CYP11B2: variants seen among roughly 807,000 people sequenced by gnomAD.
The protein encoded by CYP11B2 is cytochrome P450 family 11 subfamily B member 2.
A neutral mutation model predicts 49.3 loss-of-function variants in CYP11B2; 38 were observed. The observed-to-expected ratio is 0.77, with a 90% CI of 0.59 to 1.01. The LOEUF is 1.01. Ranked by LOEUF, CYP11B2 falls within the 50% of genes least tolerant of loss-of-function variation. CYP11B2 has a pLI of 0.00. For synonymous variants in CYP11B2, 290 were observed against 269.3 expected, an observed-to-expected ratio of 1.08 and a Z score of -0.75; for missense variants, 669 against 655.5, an observed-to-expected ratio of 1.02 and a Z score of -0.23.
In CYP11B2 at chr8:142,917,116, A is replaced by G; in HGVS notation, c.338T>C (p.Leu113Pro). 2 of 1,614,206 alleles carry G rather than the reference A, an allele frequency of 1.2e-6. No individual in the cohort carries two copies. The highest frequency in any genetic ancestry group is 1.7e-6 in the Non-Finnish European group (2 of 1,180,018). Residue 113 changes from leucine (L) to proline (P), a missense_variant, in exon 2 of 9, where the codon CTG becomes CCG. Leu to Pro is a moderately conservative substitution (Grantham distance 98). Transcript: ENST00000323110. Reference sequence around the variant, plus strand: ...TTGTCTGTAGGCCACCCAGGGCTCCAGGATCATCCTGCAGGGATGCAGGCT... The same window carrying G: ...TTGTCTGTAGGCCACCCAGGGCTCCGGGATCATCCTGCAGGGATGCAGGCT... Reference protein sequence around the residue: ...VDSLHPCRMILEPWVAYRQHR... With the variant: ...VDSLHPCRMIPEPWVAYRQHR...
chr8:142,915,145 T>A lies in CYP11B2; in HGVS notation c.496A>T (p.Arg166Trp), dbSNP rs750033578. 2 of 1,613,888 alleles carry A rather than the reference T, an allele frequency of 1.2e-6. No individual in the cohort carries two copies. Among genetic ancestry groups the A allele is most frequent in the Admixed American group, 3.3e-5 (2 of 60,020 alleles). The change falls in exon 3 of 9, where the codon AGG (arginine) becomes TGG (tryptophan). Residue 166 changes from arginine to tryptophan, a missense_variant. Coordinates refer to ENST00000323110, the MANE Select transcript of CYP11B2 (RefSeq NM_000498.3). ...RFLPMVDAVARDFSQALKKKV... is the reference protein window; with the variant it reads ...RFLPMVDAVAWDFSQALKKKV... ...TTCTTCAGGGCCTGGGAGAAGTCCCTGGCCACTGCATCCACCATCGGGAGG... is the reference window on the plus strand; with the variant it reads ...TTCTTCAGGGCCTGGGAGAAGTCCCAGGCCACTGCATCCACCATCGGGAGG...
chr8:142,911,586 A>G lies in CYP11B2; in HGVS notation c.*394T>C. 1 of 272,868 alleles carries G rather than the reference A, an allele frequency of 3.7e-6. No individual in the cohort carries two copies. Among genetic ancestry groups the G allele is most frequent in the Non-Finnish European group, 7.2e-6 (1 of 139,280 alleles). The allele number at this position is 272,868 out of a possible 1,614,324, so 16.9% of individuals were successfully genotyped here. A position where few individuals can be genotyped will look rare whatever the true frequency, so the allele number is the denominator to read the frequency against. ...CACTGTCTGCACAGAGGCCCTGGCC[A>G]GGGCGAGAGGGACAGGGACATGTGA... On this transcript the variant is annotated 3_prime_UTR_variant, in exon 9 of 9. Coordinates refer to ENST00000323110, the MANE Select transcript of CYP11B2 (RefSeq NM_000498.3).
chr8:142,915,191 C>A lies in CYP11B2; in HGVS notation c.450G>T (p.Ser150=), dbSNP rs749001022. The A allele has an allele frequency of 4.3e-6, 7 of 1,614,046 alleles. No individual in the cohort carries two copies. Among genetic ancestry groups the A allele is most frequent in the Non-Finnish European group, 5.9e-6 (7 of 1,180,004 alleles). Residue 150 remains serine, a synonymous_variant, in exon 3 of 9, where the codon TCG becomes TCT. Transcript: ENST00000323110. ...GGAGGAACCTCTGCACGGCCTTGGG[C>A]GACAGCACATCTGGGTTCAGCCGCA... ...NRLRLNPDVL[S]PKAVQRFLPM...
intron 1 of CYP11B2, 46 bp from the exon 2 acceptor site, chr8:142,917,260 C>T (rs778245279): frequency 2.4e-5 from 39 of 1,601,608 alleles, no homozygotes; most frequent in Non-Finnish European, 2.1e-5. Flanking sequence ...TCATGTCCCT[C>T]GTGGCCCCAC....
In CYP11B2 at chr8:142,915,065, G is replaced by C. The variant is rs1817618040; in HGVS notation, c.576C>G (p.Ile192Met). ...GSLTLDVQPS[I>M]FHYTIEASNL... ...CCACACCTTCTATGGTGTAGTGGAA[G>C]ATGCTGGGCTGGACGTCCAGGGTCA... Residue 192 changes from isoleucine (I) to methionine (M), a missense_variant, in exon 3 of 9, where the codon ATC becomes ATG. By Grantham distance (10) the Ile-to-Met change is conservative. Transcript: ENST00000323110. The C allele has an allele frequency of 1.9e-6, 3 of 1,613,900 alleles. No individual in the cohort carries two copies. The South Asian group carries it at 3.3e-5, about 18-fold the overall frequency.
Position 142,917,208 on chromosome 8 carries a change from G to A in CYP11B2, c.246C>T (p.Asn82=), listed in dbSNP as rs72554628. ...FQELGPIFRY[N]LGGPRMVCVM... ...CACACACCATGCGTGGTCCTCCCAA[G>A]TTGTACCTGTGGGGCCAAGCAGGAG... The change falls in exon 2 of 9, where the codon AAC becomes AAT. Residue 82 remains asparagine (N), a synonymous_variant. Coordinates refer to ENST00000323110, the MANE Select transcript of CYP11B2 (RefSeq NM_000498.3). 1 of 1,613,882 alleles carries A rather than the reference G, an allele frequency of 6.2e-7. No individual in the cohort carries two copies. Among genetic ancestry groups the A allele is most frequent in the African/African-American group, 1.3e-5 (1 of 74,920 alleles).
chr8:142,914,276 C>T lies in CYP11B2; in HGVS notation c.942G>A (p.Gly314=), dbSNP rs996780566. 6.2e-7 allele frequency: 1 copy of T among 1,614,176 alleles called. No individual in the cohort carries two copies. Among genetic ancestry groups the T allele is most frequent in the Non-Finnish European group, 8.5e-7 (1 of 1,180,032 alleles). ...TTGCTGGCCTGACCGTGTCCACGCT[C>T]CCTGCAGTGAGTTCCATAGAGTTGG... The part of the protein sequence containing the change: ...IKANSMELTA[G]SVDTTAFPLL... The change falls in exon 5 of 9, where the codon GGG becomes GGA. Residue 314 remains glycine (G), a synonymous_variant. Coordinates refer to ENST00000323110, the MANE Select transcript of CYP11B2 (RefSeq NM_000498.3).
At position 142,914,263 on chromosome 8, in the gene CYP11B2, C is replaced by CCA. The variant is rs1817595731; in HGVS notation, c.954_954+1insTG (p.Thr319Ter). On this transcript the variant is annotated frameshift_variant and splice_region_variant. Transcript: ENST00000323110. LOFTEE classifies it high-confidence loss of function. ...TGGGTGGGGCTGGTTGCTGGCCTGA[C>CCA]CGTGTCCACGCTCCCTGCAGTGAGT... is the stretch of plus-strand genomic sequence containing the variant. 1 of 1,613,996 alleles carries CCA rather than the reference C, an allele frequency of 6.2e-7. No homozygotes were observed. Among genetic ancestry groups the CCA allele is most frequent in the Non-Finnish European group, 8.5e-7 (1 of 1,180,038 alleles).
chr8:142,913,389 G>A lies in CYP11B2; in HGVS notation c.1017C>T (p.Ile339=), dbSNP rs2130326636. The change falls in exon 6 of 9, where the codon ATC becomes ATT. Residue 339 remains isoleucine (I), a synonymous_variant. Transcript: ENST00000323110. The part of the protein sequence containing the change: ...ELARNPDVQQ[I]LRQESLAAAA... Reference sequence around the variant, plus strand: ...CGGCGGCCAGGCTCTCCTGGCGCAGGATCTGCTGCACGTCGGGGTTCCGAG... The same window carrying A: ...CGGCGGCCAGGCTCTCCTGGCGCAGAATCTGCTGCACGTCGGGGTTCCGAG... 6.2e-7 allele frequency: 1 copy of A among 1,613,994 alleles called. No homozygotes were observed. The highest frequency in any genetic ancestry group is 8.5e-7 in the Non-Finnish European group (1 of 1,180,012).
chr8:142,911,900 G>C lies in CYP11B2; in HGVS notation c.*80C>G, dbSNP rs550810725. On this transcript the variant is annotated 3_prime_UTR_variant, in exon 9 of 9. Transcript: ENST00000323110. ...AGGGGTGACTCAGGAAGCTGTGCAC[G>C]TGGGAGAGAAGACAGGTGGCCTGGG... 12 of 1,603,878 alleles carry C rather than the reference G, an allele frequency of 7.5e-6. No individual in the cohort carries two copies. In the South Asian group the frequency reaches 1.1e-4, roughly 15 times the overall value.
At chr8:142,914,034 A>T (rs749091881) in intron 5 of CYP11B2, 1 of 656,364 alleles carries the variant, frequency 1.5e-6, no homozygotes, top group Non-Finnish European at 2.8e-6. Context: ...TGGAGCATGG[A>T]TCCCCACACA....
Position 142,911,977 on chromosome 8 carries a change from A to C in CYP11B2, c.*3T>G. The C allele has an allele frequency of 6.2e-7, 1 of 1,613,932 alleles. No individual in the cohort carries two copies. The highest frequency in any genetic ancestry group is 8.5e-7 in the Non-Finnish European group (1 of 1,179,912). On this transcript the variant is annotated 3_prime_UTR_variant, in exon 9 of 9. Coordinates refer to ENST00000323110, the MANE Select transcript of CYP11B2 (RefSeq NM_000498.3). ...GGCTGGGACCCTGGGTGCAGATGCA[A>C]GACTAGTTAATCGCTCTGAAAGTGA...
rs765225383 is a variant in CYP11B2, at chr8:142,913,341, G to A, written c.1065C>T (p.Pro355=). 3.1e-6 allele frequency: 5 copies of A among 1,613,684 alleles called. No individual in the cohort carries two copies. The highest frequency in any genetic ancestry group is 3.4e-6 in the Non-Finnish European group (4 of 1,179,918). The part of the protein sequence containing the change: ...LAAAASISEH[P]QKATTELPLL... ...AGGGCAGCTCGGTGGTTGCCTTCTG[G>A]GGATGTTCACTGATGCTGGCTGCGG... Residue 355 remains proline, a synonymous_variant, in exon 6 of 9, where the codon CCC becomes CCT. Coordinates refer to ENST00000323110, the MANE Select transcript of CYP11B2 (RefSeq NM_000498.3).
At position 142,911,207 on chromosome 8, in the gene CYP11B2, A is replaced by G. The variant is rs1002935857; in HGVS notation, c.*773T>C. 2 of 152,058 alleles carry G rather than the reference A, an allele frequency of 1.3e-5. No individual in the cohort carries two copies. Among genetic ancestry groups the G allele is most frequent in the Non-Finnish European group, 2.9e-5 (2 of 68,052 alleles). 9.4% of individuals were successfully genotyped at this position (152,058 alleles called of 1,614,324 possible). A position where few individuals can be genotyped will look rare whatever the true frequency, so the allele number is the denominator to read the frequency against. ...ACCACACCCCAGGTTCCCACCCCAC[A>G]TGACTCTTCCATCTCCTGACAGCAT... is the stretch of plus-strand genomic sequence containing the variant. On this transcript the variant is annotated 3_prime_UTR_variant, in exon 9 of 9. Transcript: ENST00000323110.
At position 142,914,736 on chromosome 8, in the gene CYP11B2, G is replaced by A. The variant is rs748615718; in HGVS notation, c.768C>T (p.His256=). Residue 256 remains histidine, a synonymous_variant, in exon 4 of 9, where the codon CAC becomes CAT. Transcript: ENST00000323110. ...RWISPKVWKE[H]FEAWDCIFQY... ...GGAAGATGCAGTCCCAGGCCTCAAAGTGCTCCTTCCACACCTTGGGGCTGA... is the reference window on the plus strand; with the variant it reads ...GGAAGATGCAGTCCCAGGCCTCAAAATGCTCCTTCCACACCTTGGGGCTGA... 1.2e-6 allele frequency: 2 copies of A among 1,612,790 alleles called. No homozygotes were observed. Among genetic ancestry groups the A allele is most frequent in the East Asian group, 2.2e-5 (1 of 44,848 alleles).
Position 142,917,182 on chromosome 8 carries a change from A to G in CYP11B2, c.272T>C (p.Val91Ala), listed in dbSNP as rs779502707. The G allele has an allele frequency of 6.2e-7, 1 of 1,614,094 alleles. No homozygotes were observed. The highest frequency in any genetic ancestry group is 1.1e-5 in the South Asian group (1 of 91,070). Residue 91 changes from valine to alanine, a missense_variant, in exon 2 of 9, where the codon GTG (valine) becomes GCG (alanine). Transcript: ENST00000323110. ...CTTCTCCACATCCTCCGGCAGCATC[A>G]CACACACCATGCGTGGTCCTCCCAA... ...YNLGGPRMVC[V>A]MLPEDVEKLQ...
In CYP11B2 at chr8:142,917,706, T is replaced by C. The variant is rs765056481; in HGVS notation, c.135A>G (p.Pro45=). 2.2e-5 allele frequency: 35 copies of C among 1,614,104 alleles called. 2 individuals are homozygous for C. The South Asian group carries it at 3.4e-4, about 16-fold the overall frequency. Residue 45 remains proline, a synonymous_variant, in exon 1 of 9, where the codon CCA becomes CCG. Transcript: ENST00000323110. ...VLPFEAMPQH[P]GNRWLRLLQI... ...GCAGCAGCCTCAGCCACCTGTTGCCTGGATGCTGGGGCATGGCTTCAAACG... is the reference window on the plus strand; with the variant it reads ...GCAGCAGCCTCAGCCACCTGTTGCCCGGATGCTGGGGCATGGCTTCAAACG...
chr8:142,912,679 A>G lies in CYP11B2; in HGVS notation c.1249T>C (p.Phe417Leu), dbSNP rs1817559368. The G allele has an allele frequency of 6.2e-7, 1 of 1,614,130 alleles. No individual in the cohort carries two copies. Among genetic ancestry groups the G allele is most frequent in the Non-Finnish European group, 8.5e-7 (1 of 1,179,988 alleles). The change falls in exon 8 of 9, where the codon TTC becomes CTC. Residue 417 changes from phenylalanine (F) to leucine (L), a missense_variant. Physicochemically the swap from Phe to Leu is conservative, Grantham distance 22 (BLOSUM62 0). Transcript: ENST00000323110. ...GGATTATACCGCTCAGGCCTCGGGA[A>G]CAAGGCGGCATTGCGACCCAGCGAG... The part of the protein sequence containing the change: ...LYSLGRNAAL[F>L]PRPERYNPQR...
chr8:142,916,961 A>G (rs1338835839), intron 2 of CYP11B2, 98 bp downstream of exon 2: 199 of 1,541,248 alleles, frequency 1.3e-4, no homozygotes, highest in Non-Finnish European at 1.7e-4. Context: ...ACAGGGGCCC[A>G]GGGCAGATGT....
Sources: gnomAD v4.1 joint callset for allele counts on GRCh38, gnomAD v4.1.1 for gene constraint, MANE v1.5 for transcripts, NCBI Gene and HGNC (gene_info 2026-07-23, HGNC 2026-07-21) for gene names.